The following CARMIL1 variants were observed in gnomAD, a reference collection of about 807,000 sequenced individuals.
The protein encoded by CARMIL1 is F-actin-uncapping protein LRRC16A.
In CARMIL1, 90 loss-of-function variants were observed where a neutral mutation model predicts 177.1. That is an observed-to-expected ratio of 0.51 (90% confidence interval 0.43 to 0.61). The LOEUF (loss-of-function observed/expected upper bound fraction) is 0.61. Among genes scored for constraint, CARMIL1 ranks in the 20% least tolerant of loss-of-function variants. CARMIL1 has a pLI of 0.00. For synonymous variants in CARMIL1, 577 were observed against 606.2 expected, an observed-to-expected ratio of 0.95 and a Z score of 0.71; for missense variants, 1,380 against 1,667.0, an observed-to-expected ratio of 0.83 and a Z score of 3.00.
At chr6:25,292,016 G>A (rs17677373) in intron 2 of CARMIL1, among the ~76,000 whole-genome samples, 4,120 of 152,316 alleles carry the variant, frequency 0.027, 69 homozygotes, top group Non-Finnish European at 0.038. Flanking sequence ...AAAACTTGGT[G>A]TAACACATCT....
chr6:25,449,648 A>G (rs979421585), intron 5 of CARMIL1, among the ~76,000 whole-genome samples: 2 of 152,240 alleles, frequency 1.3e-5, no homozygotes, highest in Middle Eastern at 3.2e-3. Context: ...CTAACATTAT[A>G]AAACTATAAC....
At chr6:25,427,853 C>G (rs909424234) in intron 4 of CARMIL1, among the ~76,000 whole-genome samples, 3 of 152,134 alleles carry the variant, frequency 2.0e-5, no homozygotes, top group Non-Finnish European at 4.4e-5. Context: ...TCACGTATTT[C>G]CTTCTGCCAT....
chr6:25,596,956 T>A (rs180928131), intron 32 of CARMIL1, among the ~76,000 whole-genome samples: 35 of 149,034 alleles, frequency 2.3e-4, no homozygotes, highest in African/African-American at 8.4e-4. Context: ...TGTCTTTGTC[T>A]GTTTTCTGTT....
chr6:25,366,977 T>C (rs1789886993), intron 2 of CARMIL1, among the ~76,000 whole-genome samples: 1 of 152,232 alleles, frequency 6.6e-6, no homozygotes, highest in Non-Finnish European at 1.5e-5. Context: ...TTCTGCCAAA[T>C]TGAAGCATGA....
At chr6:25,408,294 A>G (rs1001141974) in intron 2 of CARMIL1, among the ~76,000 whole-genome samples, 1 of 72,766 alleles carries the variant, frequency 1.4e-5, no homozygotes, top group Non-Finnish European at 3.8e-5. Flanking sequence ...TCTTAAAATA[A>G]AAAAAAAAAA....
chr6:25,419,373 A>C (rs139441003), intron 2 of CARMIL1, among the ~76,000 whole-genome samples: 1 of 152,144 alleles, frequency 6.6e-6, no homozygotes. Flanking sequence ...CCAAATCTCA[A>C]AGTTGCAGAG....
At chr6:25,459,646 G>T (rs1044893622) in intron 8 of CARMIL1, among the ~76,000 whole-genome samples, 6 of 152,166 alleles carry the variant, frequency 3.9e-5, no homozygotes, top group African/African-American at 1.4e-4. Flanking sequence ...TCAGGAAAAA[G>T]GTTAGTGAAT....
intron 2 of CARMIL1, among the ~76,000 whole-genome samples, chr6:25,323,378 A>G (rs1784824472): frequency 6.7e-6 from 1 of 149,254 alleles, no homozygotes; most frequent in Admixed American, 6.8e-5. Flanking sequence ...GAAACCAGGA[A>G]TTCGAGACCA....
At chr6:25,615,287 A>G (rs890202864) in intron 36 of CARMIL1, among the ~76,000 whole-genome samples, 1 of 152,204 alleles carries the variant, frequency 6.6e-6, no homozygotes, top group Non-Finnish European at 1.5e-5. Context: ...AACAGAGGCT[A>G]TTGTTCTCAA....
At position 25,376,091 on chromosome 6, in the gene CARMIL1, A is replaced by ATTG. The variant is rs1790944633; in HGVS notation, c.139-44021_139-44020insGTT. On this transcript the variant is annotated intron_variant, in intron 2 of 36. Coordinates refer to ENST00000329474, the MANE Select transcript of CARMIL1 (RefSeq NM_017640.6). ...TCATATTGCCAGAATTATTATTATT[A>ATTG]TTTTTTGAGATGGAGTTTTGTTCTT... 2.0e-5 allele frequency among the ~76,000 whole-genome samples: 3 copies of ATTG among 151,878 alleles called. No individual in the cohort carries two copies. In the South Asian group the frequency reaches 6.2e-4, roughly 32 times the overall value.
intron 8 of CARMIL1, chr6:25,452,715 G>A (rs1380638734): frequency 6.6e-6 from 1 of 152,498 alleles, no homozygotes; most frequent in East Asian, 1.9e-4. Flanking sequence ...CTTAATAGAA[G>A]ACAAGTGGAT....
chr6:25,302,741 C>T (rs987625075), intron 2 of CARMIL1, among the ~76,000 whole-genome samples: 2 of 152,178 alleles, frequency 1.3e-5, no homozygotes, highest in African/African-American at 4.8e-5. Context: ...GGGAGAATGG[C>T]CAACTGCAAA....
At chr6:25,571,659 G>A (rs150488666) in intron 29 of CARMIL1, among the ~76,000 whole-genome samples, 5 of 152,274 alleles carry the variant, frequency 3.3e-5, no homozygotes, top group Non-Finnish European at 7.3e-5. Flanking sequence ...AAGGGATCAA[G>A]GTCAGTCTTA....
intron 2 of CARMIL1, among the ~76,000 whole-genome samples, chr6:25,349,911 T>G (rs1262959446): frequency 1.3e-5 from 2 of 151,912 alleles, no homozygotes; most frequent in Non-Finnish European, 2.9e-5. Flanking sequence ...GTAATTTTAG[T>G]AGAGATGGGG....
chr6:25,436,315 A>G (rs1291698662), intron 5 of CARMIL1, among the ~76,000 whole-genome samples: 2 of 152,184 alleles, frequency 1.3e-5, no homozygotes, highest in Non-Finnish European at 2.9e-5. Context: ...TCCTGATAGA[A>G]GAACAGGATT....
At chr6:25,603,267 G>A (rs2151313669) in intron 33 of CARMIL1, among the ~76,000 whole-genome samples, 2 of 152,356 alleles carry the variant, frequency 1.3e-5, no homozygotes, top group South Asian at 4.1e-4. Flanking sequence ...GGGCTGGCAT[G>A]GGACTTCCTT....
At chr6:25,332,777 A>ACACACG (rs1561995887) in intron 2 of CARMIL1, among the ~76,000 whole-genome samples, 9 of 132,210 alleles carry the variant, frequency 6.8e-5, no homozygotes, top group Admixed American at 3.0e-4. Context: ...ACACACGCGC[A>ACACACG]CACACACACA....
intron 2 of CARMIL1, among the ~76,000 whole-genome samples, chr6:25,313,690 T>TATATATATATATATATATATATAC (rs1561970762): frequency 6.7e-6 from 1 of 149,518 alleles, no homozygotes; most frequent in African/African-American, 2.5e-5. Context: ...GCTGTATATA[T>TATATATATATATATATATATATAC]ACAGTTATTT....
At chr6:25,341,413 T>C (rs1358652368) in intron 2 of CARMIL1, among the ~76,000 whole-genome samples, 3 of 152,218 alleles carry the variant, frequency 2.0e-5, no homozygotes. Flanking sequence ...TGTCTATCTA[T>C]CTTTTATATA....
Sources: allele counts gnomAD v4.1 joint callset (sites outside exome capture counted in the v4.1 genomes callset), GRCh38; gene constraint gnomAD v4.1.1; transcripts MANE v1.5; gene names NCBI Gene and HGNC (gene_info 2026-07-23, HGNC 2026-07-21).